Variants in ZNF385D observed in about 807,000 individuals in gnomAD.
The protein encoded by ZNF385D is zinc finger protein 385D, also known as zinc finger protein 659.
Under a neutral mutation model 35.8 loss-of-function variants are expected in ZNF385D, and 15 were observed. That is an observed-to-expected ratio of 0.42 (90% CI 0.28 to 0.64). The LOEUF is 0.64. ZNF385D is among the 30% of genes least tolerant of loss of function. ZNF385D has a pLI of 0.23. For synonymous variants in ZNF385D, 212 were observed against 186.8 expected (o/e 1.13, Z -1.10); for missense variants, 474 against 494.6 (o/e 0.96, Z 0.39).
chr3:21,489,086 GT>G (rs1705230608), intron 4 of ZNF385D, among the ~76,000 whole-genome samples: 1 of 152,056 alleles, frequency 6.6e-6, no homozygotes, highest in African/African-American at 2.4e-5. Flanking sequence ...ACTGAAACCT[GT>G]TAAAATGCTG....
intron 2 of ZNF385D, among the ~76,000 whole-genome samples, chr3:22,299,549 A>C (rs1702783961): frequency 6.6e-6 from 1 of 151,912 alleles, no homozygotes; most frequent in South Asian, 2.1e-4. Context: ...GTTTGTGAAC[A>C]ACATGATCTT....
intron 3 of ZNF385D, among the ~76,000 whole-genome samples, chr3:22,008,215 G>A (rs997727326): frequency 1.3e-5 from 2 of 152,056 alleles, no homozygotes; most frequent in African/African-American, 4.8e-5. Flanking sequence ...AAATAAGGTA[G>A]ACTAGGAAAA....
chr3:21,822,239 T>A (rs1694296441), intron 3 of ZNF385D, among the ~76,000 whole-genome samples: 1 of 151,714 alleles, frequency 6.6e-6, no homozygotes, highest in Admixed American at 6.6e-5. Flanking sequence ...GCCTGGCTAA[T>A]TTTTTTGTAT....
Position 22,113,401 on chromosome 3 carries a change from G to A in ZNF385D, c.325+55416C>T, listed in dbSNP as rs11918652. On this transcript the variant is annotated intron_variant, in intron 3 of 5. Transcript: ENST00000494108. ...ATATAGTGTTTAAATTTCTCTAATC[G>A]TTCATTTTTTCTTATTTAAGGCAAT... Among the ~76,000 whole-genome samples, 102 of 151,936 alleles carry A rather than the reference G, an allele frequency of 6.7e-4. 1 individual carries two copies. The highest frequency in any genetic ancestry group is 2.3e-3 in the African/African-American group (96 of 41,468).
At position 21,468,401 on chromosome 3, in the gene ZNF385D, CAAAAAAAAAAAAA is replaced by C. The variant is rs1175784477; in HGVS notation, c.440-31211_440-31199del. Among the ~76,000 whole-genome samples, 41 of 72,644 alleles carry C rather than the reference CAAAAAAAAAAAAA, an allele frequency of 5.6e-4. No individual in the cohort carries two copies. The Middle Eastern group carries it at 0.05, about 89-fold the overall frequency. 47.7% of individuals were successfully genotyped at this position (72,644 alleles called of 152,430 possible). ...TGGGCAACAGAGCAAGACACTGTCT[CAAAAAAAAAAAAA>C]AAAAAAAAAAGTATATGCAGACATT... On this transcript the variant is annotated intron_variant, in intron 4 of 7. Coordinates refer to ENST00000281523, the MANE Select transcript of ZNF385D (RefSeq NM_024697.3).
At chr3:22,123,586 G>A (rs141914022) in intron 3 of ZNF385D, among the ~76,000 whole-genome samples, 12 of 152,222 alleles carry the variant, frequency 7.9e-5, no homozygotes, top group African/African-American at 1.2e-4. Context: ...TGGGCCGGGC[G>A]CGGTGGCTGA....
At chr3:21,905,308 G>T (rs1457804431) in intron 3 of ZNF385D, among the ~76,000 whole-genome samples, 1 of 150,544 alleles carries the variant, frequency 6.6e-6, no homozygotes, top group Non-Finnish European at 1.5e-5. Context: ...CACTTTGTAT[G>T]CATAACTCAA....
At chr3:21,583,297 G>C (rs2063718527) in intron 2 of ZNF385D, among the ~76,000 whole-genome samples, 1 of 152,250 alleles carries the variant, frequency 6.6e-6, no homozygotes, top group Middle Eastern at 3.4e-3. Context: ...TGATTTAAGA[G>C]GTTATTTTGT....
intron 4 of ZNF385D, among the ~76,000 whole-genome samples, chr3:21,495,797 A>G (rs1705794194): frequency 1.3e-5 from 2 of 152,070 alleles, no homozygotes; most frequent in Admixed American, 6.6e-5. Flanking sequence ...TAGATAAAAC[A>G]CTAGCTAGAC....
intron 4 of ZNF385D, among the ~76,000 whole-genome samples, chr3:21,477,302 T>A (rs1164115933): frequency 6.6e-6 from 1 of 151,976 alleles, no homozygotes; most frequent in Non-Finnish European, 1.5e-5. Flanking sequence ...GTGGCATGCA[T>A]CTGTTGTCCC....
intron 2 of ZNF385D, among the ~76,000 whole-genome samples, chr3:21,636,004 G>C (rs994388182): frequency 6.6e-6 from 1 of 152,008 alleles, no homozygotes; most frequent in East Asian, 1.9e-4. Flanking sequence ...ATTGCAAATT[G>C]TGCTGCTGTA....
chr3:21,475,708 CTCTT>C (rs1704192735), intron 4 of ZNF385D, among the ~76,000 whole-genome samples: 2 of 152,228 alleles, frequency 1.3e-5, no homozygotes, highest in Admixed American at 6.5e-5. Flanking sequence ...GGCCCATTAA[CTCTT>C]TCAGTCTCCC....
chr3:22,300,717 G>T (rs1702854327), intron 2 of ZNF385D, among the ~76,000 whole-genome samples: 1 of 151,932 alleles, frequency 6.6e-6, no homozygotes, highest in South Asian at 2.1e-4. Flanking sequence ...CTTGTGAAAT[G>T]AAAATTAAAA....
chr3:21,657,929 T>C (rs1034659912), intron 2 of ZNF385D, among the ~76,000 whole-genome samples: 2 of 151,966 alleles, frequency 1.3e-5, no homozygotes, highest in Admixed American at 6.6e-5. Context: ...GAGAGCACTA[T>C]ACAGGAATCA....
At chr3:22,163,096 C>A (rs1348953280) in intron 3 of ZNF385D, among the ~76,000 whole-genome samples, 1 of 152,080 alleles carries the variant, frequency 6.6e-6, no homozygotes, top group Non-Finnish European at 1.5e-5. Context: ...CTTTGTACCT[C>A]AGCATTGACT....
At chr3:21,837,196 C>G (rs1695383047) in intron 3 of ZNF385D, among the ~76,000 whole-genome samples, 1 of 152,080 alleles carries the variant, frequency 6.6e-6, no homozygotes, top group Non-Finnish European at 1.5e-5. Context: ...GACTCTAATT[C>G]AGAGAAATCT....
intron 3 of ZNF385D, among the ~76,000 whole-genome samples, chr3:21,550,992 A>G (rs916296490): frequency 6.6e-6 from 1 of 152,184 alleles, no homozygotes; most frequent in Admixed American, 6.5e-5. Flanking sequence ...ATAGTTCAAT[A>G]ATATGAATTT....
intron 3 of ZNF385D, among the ~76,000 whole-genome samples, chr3:22,047,715 C>G (rs890977513): frequency 2.0e-5 from 3 of 152,030 alleles, no homozygotes; most frequent in Non-Finnish European, 4.4e-5. Context: ...CATGGGAGTG[C>G]AGTTATCTAT....
chr3:22,249,330 G>C (rs1415121103), intron 2 of ZNF385D, among the ~76,000 whole-genome samples: 1 of 152,104 alleles, frequency 6.6e-6, no homozygotes, highest in Non-Finnish European at 1.5e-5. Context: ...AATGTGTCTT[G>C]ATCATAGTAG....
Sources: allele counts gnomAD v4.1 joint callset (sites outside exome capture counted in the v4.1 genomes callset), GRCh38; gene constraint gnomAD v4.1.1; transcripts MANE v1.5; gene names NCBI Gene and HGNC (gene_info 2026-07-23, HGNC 2026-07-21).